Variants in SYNE1 observed in about 807,000 individuals in gnomAD.
SYNE1 encodes nesprin-1.
A neutral mutation model predicts 1,111.0 loss-of-function variants in SYNE1; 616 were observed. That is an observed-to-expected ratio of 0.55 (90% CI 0.52 to 0.59). The LOEUF is 0.59. SYNE1 is among the 20% of genes least tolerant of loss of function. The probability of loss-of-function intolerance (pLI) is 0.00; values close to 1 mark genes in which losing one functional copy is unlikely to be tolerated. For synonymous variants in SYNE1, 3,855 were observed against 3,825.8 expected, an observed-to-expected ratio of 1.01 and a Z score of -0.28; for missense variants, 10,006 against 10,417.0, an observed-to-expected ratio of 0.96 and a Z score of 1.72.
In SYNE1 at chr6:152,293,699, C is replaced by T. The variant is rs754903108; in HGVS notation, c.17901G>A (p.Lys5967=). The T allele has an allele frequency of 9.9e-6, 16 of 1,614,058 alleles. No homozygotes were observed. The East Asian group carries it at 1.3e-4, about 13-fold the overall frequency. The change falls in exon 95 of 146, where the codon AAG becomes AAA. Residue 5967 remains lysine (K), a synonymous_variant. Coordinates refer to ENST00000367255, the MANE Select transcript of SYNE1 (RefSeq NM_182961.4). ...TLYEALERQQ[K]YQDSLQSIST... ...AGATGGACTGGAGGGAGTCCTGGTA[C>T]TTCTGCTGGCGTTCCAAAGCTTCAT...
At chr6:152,170,716 A>G (rs1169258054) in intron 130 of SYNE1, among the ~76,000 whole-genome samples, 1 of 152,238 alleles carries the variant, frequency 6.6e-6, no homozygotes, top group Non-Finnish European at 1.5e-5. Flanking sequence ...CTTGCACTGC[A>G]TATGTGTTTT....
chr6:152,523,985 C>T (rs1486515778), intron 5 of SYNE1, among the ~76,000 whole-genome samples: 1 of 152,112 alleles, frequency 6.6e-6, no homozygotes, highest in African/African-American at 2.4e-5. Flanking sequence ...CCAATCACAT[C>T]ATCAGCAAAC....
chr6:152,608,615 T>C (rs1447612765), intron 3 of SYNE1, among the ~76,000 whole-genome samples: 1 of 152,186 alleles, frequency 6.6e-6, no homozygotes, highest in East Asian at 1.9e-4. Context: ...CGTCAATCTT[T>C]AGGAACCTCA....
intron 40 of SYNE1, among the ~76,000 whole-genome samples, chr6:152,418,458 C>T (rs552823601): frequency 5.7e-4 from 87 of 152,282 alleles, no homozygotes; most frequent in African/African-American, 2.0e-3. Flanking sequence ...AGTGAACACT[C>T]AATAAATATG....
At chr6:152,133,246 G>T in intron 143 of SYNE1, 30 bp downstream of exon 143, 6 of 1,595,378 alleles carry the variant, frequency 3.8e-6, no homozygotes, top group Non-Finnish European at 5.2e-6. Context: ...AGTAAGAAAT[G>T]CTACACGATG....
chr6:152,364,040 G>A (rs973196216), intron 63 of SYNE1, among the ~76,000 whole-genome samples: 1 of 152,184 alleles, frequency 6.6e-6, no homozygotes, highest in Admixed American at 6.5e-5. Context: ...GGGACCCAAT[G>A]GGAGGTAATT....
At chr6:152,341,360 T>A (rs1399781344) in intron 74 of SYNE1, among the ~76,000 whole-genome samples, 1 of 152,240 alleles carries the variant, frequency 6.6e-6, no homozygotes, top group African/African-American at 2.4e-5. Context: ...ATAGTTGATC[T>A]GATTCCGAAA....
intron 61 of SYNE1, 128 bp downstream of exon 61, chr6:152,368,844 C>A: frequency 8.7e-7 from 1 of 1,149,870 alleles, no homozygotes; most frequent in South Asian, 1.2e-5. Context: ...ACACACGCCC[C>A]TTACTGCTGA....
chr6:152,386,831 A>G (rs1345140134), intron 54 of SYNE1, among the ~76,000 whole-genome samples: 1 of 152,208 alleles, frequency 6.6e-6, no homozygotes, highest in African/African-American at 2.4e-5. Context: ...AATAAGCAAT[A>G]AAGAATAATC....
intron 14 of SYNE1, among the ~76,000 whole-genome samples, chr6:152,477,658 G>T (rs966070011): frequency 4.7e-5 from 5 of 107,002 alleles, no homozygotes; most frequent in African/African-American, 2.6e-4. Flanking sequence ...CCTCTCACTA[G>T]AAGGTAAATT....
chr6:152,134,941 C>T (rs1342515191), intron 142 of SYNE1, 163 bp downstream of exon 142: 3 of 836,652 alleles, frequency 3.6e-6, no homozygotes, highest in Non-Finnish European at 5.6e-6. Context: ...GTTTGCTTTA[C>T]AAAGATTGGA....
intron 130 of SYNE1, among the ~76,000 whole-genome samples, chr6:152,171,100 T>A (rs985487358): frequency 5.9e-5 from 9 of 152,248 alleles, no homozygotes; most frequent in Non-Finnish European, 8.8e-5. Flanking sequence ...CATGTTTTTC[T>A]TTATAAATCA....
intron 121 of SYNE1, among the ~76,000 whole-genome samples, chr6:152,217,238 CAAA>C (rs35418741): frequency 6.8e-6 from 1 of 147,194 alleles, no homozygotes; most frequent in Non-Finnish European, 1.5e-5. Context: ...ACTAAAAATA[CAAA>C]AAAAATTAGC....
At chr6:152,170,571 C>T (rs1011103743) in intron 130 of SYNE1, among the ~76,000 whole-genome samples, 9 of 152,180 alleles carry the variant, frequency 5.9e-5, no homozygotes, top group African/African-American at 2.2e-4. Flanking sequence ...AGGCACCTTC[C>T]GACTCAAACA....
At chr6:152,358,282 C>T in intron 66 of SYNE1, 91 bp downstream of exon 66, 3 of 1,568,700 alleles carry the variant, frequency 1.9e-6, no homozygotes, top group Non-Finnish European at 2.6e-6. Context: ...AGCCACTGGA[C>T]TCAAGGTTTC....
intron 32 of SYNE1, among the ~76,000 whole-genome samples, chr6:152,438,322 A>G (rs759537233): frequency 1.3e-5 from 2 of 152,236 alleles, no homozygotes; most frequent in South Asian, 2.1e-4. Context: ...AGAACCCAGG[A>G]AAAACATGGA....
At chr6:152,395,727 C>G in intron 50 of SYNE1, 56 bp from the exon 51 acceptor site, 1 of 1,578,712 alleles carries the variant, frequency 6.3e-7, no homozygotes, top group Non-Finnish European at 8.7e-7. Flanking sequence ...TGATAAATTA[C>G]TTTTAATAGC....
At chr6:152,578,118 T>C (rs904336211) in intron 3 of SYNE1, among the ~76,000 whole-genome samples, 4 of 152,202 alleles carry the variant, frequency 2.6e-5, no homozygotes, top group Admixed American at 6.5e-5. Context: ...ACTATTTTTC[T>C]TTTGTTAAAT....
chr6:152,424,244 T>A (rs1479784692), intron 39 of SYNE1, among the ~76,000 whole-genome samples: 1 of 152,236 alleles, frequency 6.6e-6, no homozygotes, highest in Non-Finnish European at 1.5e-5. Flanking sequence ...TTTATTAAAA[T>A]GGTTTGTATC....
Sources: gnomAD v4.1 joint callset for allele counts (sites outside exome capture counted in the v4.1 genomes callset) on GRCh38, gnomAD v4.1.1 for gene constraint, MANE v1.5 for transcripts, NCBI Gene and HGNC (gene_info 2026-07-23, HGNC 2026-07-21) for gene names.